The following ABCC8 variants were observed in gnomAD, a reference collection of about 807,000 sequenced individuals.
The protein encoded by ABCC8 is ATP-binding cassette sub-family C member 8.
A neutral mutation model predicts 188.0 loss-of-function variants in ABCC8; 137 were observed. The ratio of observed to expected loss-of-function variants is 0.73; its 90% CI spans 0.63 to 0.84. The LOEUF is 0.84. Ranked by LOEUF, ABCC8 falls within the 40% of genes least tolerant of loss-of-function variation. The probability of loss-of-function intolerance (pLI) is 0.00; values close to 1 mark genes in which losing one functional copy is unlikely to be tolerated. For synonymous variants in ABCC8, 797 were observed against 846.5 expected (o/e 0.94, Z 1.01); for missense variants, 1,750 against 2,072.7 (o/e 0.84, Z 3.02).
intron 22 of ABCC8, among the ~76,000 whole-genome samples, chr11:17,409,119 A>ATT (rs34715760): frequency 1.4e-5 from 2 of 141,386 alleles, no homozygotes; most frequent in African/African-American, 2.6e-5. Context: ...TACCTGGCTA[A>ATT]TTTTTTTTTT....
At position 17,393,887 on chromosome 11, in the gene ABCC8, C is replaced by T. The variant is rs1343095533; in HGVS notation, c.4546-128G>A. ...GACCCCGATCCTAGTCCCACCCCCA[C>T]CCCACAGGACTGAACAGGTTCCCGG... is the stretch of plus-strand genomic sequence containing the variant. On this transcript the variant is annotated intron_variant, in intron 37 of 38. Transcript: ENST00000389817. 16 of 1,581,536 alleles carry T rather than the reference C, an allele frequency of 1.0e-5. No individual in the cohort carries two copies. The African/African-American group carries it at 2.2e-4, about 21-fold the overall frequency.
At chr11:17,411,412 T>C (rs1954797575) in intron 21 of ABCC8, among the ~76,000 whole-genome samples, 1 of 152,230 alleles carries the variant, frequency 6.6e-6, no homozygotes, top group South Asian at 2.1e-4. Flanking sequence ...TCATGAGAGA[T>C]CGCGAATGCA....
At chr11:17,435,208 G>A (rs1389013836) in intron 10 of ABCC8, among the ~76,000 whole-genome samples, 2 of 152,028 alleles carry the variant, frequency 1.3e-5, no homozygotes, top group Non-Finnish European at 2.9e-5. Context: ...ATAACACTGC[G>A]TAGGTGTTAA....
intron 14 of ABCC8, 150 bp from the exon 15 acceptor site, chr11:17,428,092 C>G: frequency 6.3e-7 from 1 of 1,580,952 alleles, no homozygotes; most frequent in Admixed American, 1.7e-5. Flanking sequence ...GGGAGACTGG[C>G]CTTCTCATGC....
In ABCC8 at chr11:17,415,257, C is replaced by A. The variant is rs201897871; in HGVS notation, c.2291+47G>T. On this transcript the variant is annotated intron_variant, in intron 18 of 38. Transcript: ENST00000389817. ...GTGGCTCCCTTGGGCCTGAGAGCAC[C>A]CTGGAGGGAGTTGACCCTGGGGGGC... The A allele has an allele frequency of 3.6e-4, 565 of 1,589,168 alleles. 4 individuals carry two copies. Among genetic ancestry groups the A allele is most frequent in the Non-Finnish European group, 1.7e-5 (20 of 1,168,824 alleles).
intron 12 of ABCC8, chr11:17,429,032 T>C (rs1385884372): frequency 6.2e-6 from 2 of 322,898 alleles, no homozygotes; most frequent in African/African-American, 4.3e-5. Context: ...ATAGCTAGTA[T>C]TTTGTGAGCA....
chr11:17,412,042 G>A (rs965075379), intron 21 of ABCC8, among the ~76,000 whole-genome samples: 2 of 151,900 alleles, frequency 1.3e-5, no homozygotes, highest in Admixed American at 6.5e-5. Context: ...ACAGGCGCCC[G>A]CCACCGCACC....
intron 16 of ABCC8, among the ~76,000 whole-genome samples, chr11:17,422,024 A>T (rs764727798): frequency 1.3e-5 from 2 of 152,206 alleles, no homozygotes; most frequent in African/African-American, 4.8e-5. Flanking sequence ...CAGACTTGGG[A>T]ATGCTTGCCA....
At chr11:17,467,290 G>A (rs1050421408) in intron 3 of ABCC8, among the ~76,000 whole-genome samples, 8 of 152,054 alleles carry the variant, frequency 5.3e-5, no homozygotes, top group Admixed American at 1.3e-4. Flanking sequence ...GGTGGTACAC[G>A]CCTGTATTCC....
chr11:17,417,090 A>G (rs564877079), intron 16 of ABCC8, 128 bp from the exon 17 acceptor site: 3 of 1,556,180 alleles, frequency 1.9e-6, no homozygotes, highest in South Asian at 1.2e-5. Context: ...AGGGTTTCCA[A>G]ATGGCCTCTG....
At chr11:17,443,427 G>C (rs1956403867) in intron 8 of ABCC8, 115 bp from the exon 9 acceptor site, 2 of 1,571,168 alleles carry the variant, frequency 1.3e-6, no homozygotes, top group African/African-American at 1.3e-5. Flanking sequence ...TTGGTGCCCA[G>C]GTTTCCAAAT....
At chr11:17,396,192 CG>C (rs765584721) in intron 33 of ABCC8, 105 of 745,194 alleles carry the variant, frequency 1.4e-4, no homozygotes, top group Non-Finnish European at 1.9e-4. Flanking sequence ...CTGGGTGTGC[CG>C]GGTACTTGGC....
Position 17,405,541 on chromosome 11 carries a change from C to G in ABCC8, c.3352G>C (p.Gly1118Arg). The G allele has an allele frequency of 6.2e-7, 1 of 1,614,240 alleles. No homozygotes were observed. The highest frequency in any genetic ancestry group is 1.1e-5 in the South Asian group (1 of 91,086). The change falls in exon 27 of 39, where the codon GGG becomes CGG. Residue 1118 changes from glycine to arginine, a missense_variant. Coordinates refer to ENST00000389817, the MANE Select transcript of ABCC8 (RefSeq NM_000352.6). ...PMRFFETTPL[G>R]SILNRFSSDC... is the part of the protein sequence containing the mutation. ...GATGAAAATCTGTTCAGGATGCTCCCAAGGGGCGTGGTCTCAAAAAACCTA... is the reference window on the plus strand; with the variant it reads ...GATGAAAATCTGTTCAGGATGCTCCGAAGGGGCGTGGTCTCAAAAAACCTA...
intron 3 of ABCC8, among the ~76,000 whole-genome samples, chr11:17,468,606 A>C (rs749502391): frequency 6.6e-6 from 1 of 152,198 alleles, no homozygotes; most frequent in Non-Finnish European, 1.5e-5. Flanking sequence ...ATGTAAAGGG[A>C]AAATAATAAT....
At chr11:17,460,256 G>A (rs906798250) in intron 6 of ABCC8, among the ~76,000 whole-genome samples, 2 of 152,234 alleles carry the variant, frequency 1.3e-5, no homozygotes, top group African/African-American at 2.4e-5. Flanking sequence ...GAGGTACTAT[G>A]GTAGTGACGG....
intron 2 of ABCC8, 65 bp downstream of exon 2, chr11:17,474,821 C>T (rs1848666915): frequency 6.4e-7 from 1 of 1,550,916 alleles, no homozygotes; most frequent in Non-Finnish European, 8.9e-7. Flanking sequence ...CTAGGATCTC[C>T]TTGGGCCTTT....
chr11:17,436,512 CAAGGTGAGGTGACTCACCTTAAT>C, intron 10 of ABCC8, among the ~76,000 whole-genome samples: 1 of 152,052 alleles, frequency 6.6e-6, no homozygotes, highest in Non-Finnish European at 1.5e-5. Context: ...AACTCAGGCC[CAAGGTGAGGTGACTCACCTTAAT>C]TTGATTTAGA....
intron 10 of ABCC8, among the ~76,000 whole-genome samples, chr11:17,436,792 G>A (rs1341663180): frequency 6.6e-6 from 1 of 152,072 alleles, no homozygotes; most frequent in Non-Finnish European, 1.5e-5. Context: ...TATCCCTTAA[G>A]ACTTATCCAT....
At chr11:17,396,704 G>T in intron 33 of ABCC8, 1 of 624,988 alleles carries the variant, frequency 1.6e-6, no homozygotes, top group Non-Finnish European at 2.8e-6. Context: ...TGAGTGAGAA[G>T]ACAAGGCCTG....
Sources: allele counts gnomAD v4.1 joint callset (sites outside exome capture counted in the v4.1 genomes callset), GRCh38; gene constraint gnomAD v4.1.1; transcripts MANE v1.5; gene names NCBI Gene and HGNC (gene_info 2026-07-23, HGNC 2026-07-21).